Variants in LOXL2 observed in about 807,000 individuals in gnomAD.
The protein encoded by LOXL2 is lysyl oxidase like 2.
Under a neutral mutation model 93.0 loss-of-function variants are expected in LOXL2, and 70 were observed. That is an observed-to-expected ratio of 0.75 (90% CI 0.62 to 0.92). LOXL2 has a LOEUF of 0.92. Ranked by LOEUF, LOXL2 falls within the 40% of genes least tolerant of loss-of-function variation. The probability of loss-of-function intolerance (pLI) is 0.00; values close to 1 mark genes in which losing one functional copy is unlikely to be tolerated. For synonymous variants in LOXL2, 438 were observed against 413.2 expected (o/e 1.06, Z -0.73); for missense variants, 973 against 1,054.9 (o/e 0.92, Z 1.08).
chr8:23,319,945 G>A lies in LOXL2; in HGVS notation c.1410C>T (p.Ile470=), dbSNP rs1360699394. ...WGMVCGQNWG[I]VEAMVVCRQL... is the part of the protein sequence containing the mutation. ...GGCGGCAGACCACCATGGCCTCCAC[G>A]ATGCCCCAGTTTTGGCCACACACCA... is the stretch of plus-strand genomic sequence containing the variant. The change falls in exon 8 of 14, where the codon ATC becomes ATT. Residue 470 remains isoleucine (I), a synonymous_variant. Coordinates refer to ENST00000389131, the MANE Select transcript of LOXL2 (RefSeq NM_002318.3). 6.2e-6 allele frequency: 10 copies of A among 1,614,020 alleles called. No individual in the cohort carries two copies. Among genetic ancestry groups the A allele is most frequent in the Admixed American group, 1.7e-5 (1 of 60,014 alleles).
rs145286423 is a variant in LOXL2 at position 23,340,389 on chromosome 8, A to G, written c.743+603T>C. On this transcript the variant is annotated intron_variant, in intron 4 of 13. Transcript: ENST00000389131. ...TGGGGTGCTGGAATCCTTCCACTGG[A>G]CACCCCTTAAGTCAAAATGACTCCA... Among the ~76,000 whole-genome samples, 659 of 152,170 alleles carry G rather than the reference A, an allele frequency of 4.3e-3. 10 individuals are homozygous for G. The highest frequency in any genetic ancestry group is 0.015 in the African/African-American group (630 of 41,510).
intron 13 of LOXL2, 81 bp downstream of exon 13, chr8:23,298,755 A>G: frequency 1.2e-6 from 1 of 846,822 alleles, no homozygotes; most frequent in South Asian, 1.4e-5. Flanking sequence ...TCTTTACCCA[A>G]ATTAGGAAGC....
chr8:23,360,249 G>C lies in LOXL2; in HGVS notation c.372C>G (p.Asp124Glu). ...CCTCGTTGCCAGTACAGTGGAGATT[G>C]TCTAACCAGATGGGCCCTGAAGGAG... ...YGKGEGPIWL[D>E]NLHCTGNEAT... The change falls in exon 3 of 14, where the codon GAC becomes GAG. Residue 124 changes from aspartate to glutamate, a missense_variant. By Grantham distance (45) the Asp-to-Glu change is conservative. Transcript: ENST00000389131. The C allele has an allele frequency of 1.2e-6, 2 of 1,608,800 alleles. No individual in the cohort carries two copies. Among genetic ancestry groups the C allele is most frequent in the Non-Finnish European group, 1.7e-6 (2 of 1,175,758 alleles).
intron 12 of LOXL2, 128 bp from the exon 13 acceptor site, chr8:23,299,075 G>T (rs954202097): frequency 8.0e-6 from 5 of 622,562 alleles, no homozygotes; most frequent in South Asian, 1.8e-5. Context: ...CAAGACGGGG[G>T]TCTGTGGGTC....
intron 3 of LOXL2, among the ~76,000 whole-genome samples, chr8:23,342,474 C>T (rs1263768515): frequency 6.6e-6 from 1 of 151,254 alleles, no homozygotes; most frequent in African/African-American, 2.4e-5. Flanking sequence ...CTCTGTCGCC[C>T]AGGCTGGAGT....
chr8:23,391,605 C>CA (rs2117236319), intron 1 of LOXL2, among the ~76,000 whole-genome samples: 1 of 152,290 alleles, frequency 6.6e-6, no homozygotes, highest in Admixed American at 6.5e-5. Flanking sequence ...GTTTCTGTGC[C>CA]ACTTTCAAGG....
chr8:23,393,617 G>A (rs775232351), intron 1 of LOXL2, among the ~76,000 whole-genome samples: 4 of 152,068 alleles, frequency 2.6e-5, no homozygotes, highest in African/African-American at 4.8e-5. Context: ...CATAGAGTAC[G>A]TCTTCATGGA....
intron 1 of LOXL2, among the ~76,000 whole-genome samples, chr8:23,383,646 G>T (rs1465608668): frequency 4.8e-4 from 56 of 117,616 alleles, no homozygotes; most frequent in Non-Finnish European, 7.4e-4. Context: ...GCACTTTTAC[G>T]TTTTTTTTTT....
At chr8:23,320,125 C>G in intron 7 of LOXL2, 73 bp from the exon 8 acceptor site, 1 of 1,518,908 alleles carries the variant, frequency 6.6e-7, no homozygotes, top group African/African-American at 1.4e-5. Context: ...CCATCAGCCC[C>G]AGTGTCCTGG....
intron 12 of LOXL2, among the ~76,000 whole-genome samples, chr8:23,299,914 C>T (rs1306893065): frequency 1.3e-5 from 2 of 152,220 alleles, no homozygotes; most frequent in African/African-American, 2.4e-5. Context: ...TCTGGCCCAG[C>T]GGGGCTGTTC....
chr8:23,305,609 C>A (rs936091471), intron 10 of LOXL2, among the ~76,000 whole-genome samples: 2 of 151,322 alleles, frequency 1.3e-5, no homozygotes, highest in African/African-American at 4.9e-5. Flanking sequence ...AGGTATTCCT[C>A]CTCTTGCAGG....
chr8:23,388,623 TCACAC>T (rs1804798032), intron 1 of LOXL2, among the ~76,000 whole-genome samples: 7 of 142,930 alleles, frequency 4.9e-5, no homozygotes, highest in African/African-American at 1.8e-4. Context: ...AAAAATATAC[TCACAC>T]ACACACACAC....
At chr8:23,374,411 T>G (rs983010102) in intron 1 of LOXL2, among the ~76,000 whole-genome samples, 1 of 152,184 alleles carries the variant, frequency 6.6e-6, no homozygotes, top group Non-Finnish European at 1.5e-5. Flanking sequence ...AATAAACATA[T>G]GTGTGCATGC....
intron 1 of LOXL2, among the ~76,000 whole-genome samples, chr8:23,373,772 T>TGAAG (rs923951656): frequency 6.6e-6 from 1 of 152,088 alleles, no homozygotes; most frequent in African/African-American, 2.4e-5. Context: ...AGCCAGGATC[T>TGAAG]GAAGGTGGTG....
Position 23,302,056 on chromosome 8 carries a change from C to G in LOXL2, c.2104G>C (p.Asp702His). Residue 702 changes from aspartate (D) to histidine (H), a missense_variant, in exon 12 of 14, where the codon GAC (aspartate) becomes CAC (histidine). Transcript: ENST00000389131. ...AACAGGTAGTCTCCAGGGGGCACGT[C>G]AGTGATGTCAACCCACTGGCAGTCG... The part of the protein sequence containing the change: ...DIDCQWVDIT[D>H]VPPGDYLFQV... 6.2e-7 allele frequency: 1 copy of G among 1,614,182 alleles called. No homozygotes were observed. Among genetic ancestry groups the G allele is most frequent in the Non-Finnish European group, 8.5e-7 (1 of 1,180,020 alleles).
chr8:23,371,608 C>T (rs555142865), intron 1 of LOXL2, among the ~76,000 whole-genome samples: 21 of 151,578 alleles, frequency 1.4e-4, no homozygotes, highest in African/African-American at 3.4e-4. Context: ...AAAAATTAGC[C>T]GGGCATGGTG....
intron 4 of LOXL2, among the ~76,000 whole-genome samples, chr8:23,335,479 G>GA (rs199833316): frequency 4.2e-4 from 64 of 151,232 alleles, no homozygotes; most frequent in Non-Finnish European, 5.0e-4. Context: ...ATTTGTTAAA[G>GA]AAAAAAAAAG....
intron 9 of LOXL2, among the ~76,000 whole-genome samples, chr8:23,310,774 C>T (rs897148449): frequency 8.5e-5 from 13 of 152,224 alleles, no homozygotes; most frequent in Admixed American, 8.5e-4. Context: ...GGAGAGTTTT[C>T]CCCAGGTGCC....
At chr8:23,362,142 A>T (rs1804304880) in intron 2 of LOXL2, among the ~76,000 whole-genome samples, 1 of 152,226 alleles carries the variant, frequency 6.6e-6, no homozygotes, top group Admixed American at 6.5e-5. Context: ...GTCTATCCAT[A>T]CGATGGAATA....
Sources: allele counts gnomAD v4.1 joint callset (sites outside exome capture counted in the v4.1 genomes callset), GRCh38; gene constraint gnomAD v4.1.1; transcripts MANE v1.5; gene names NCBI Gene and HGNC (gene_info 2026-07-23, HGNC 2026-07-21).